GRM5: variants seen among roughly 807,000 people sequenced by gnomAD.
GRM5 encodes metabotropic glutamate receptor 5.
Under a neutral mutation model 83.1 loss-of-function variants are expected in GRM5, and 19 were observed. That is an observed-to-expected ratio of 0.23 (90% confidence interval 0.16 to 0.34). The LOEUF (loss-of-function observed/expected upper bound fraction) is 0.34, where lower values mean the gene tolerates loss of function less well. GRM5 is among the 10% of genes least tolerant of loss of function. The pLI, the probability that GRM5 is intolerant of heterozygous loss-of-function variation, is 1.00. For synonymous variants in GRM5, 675 were observed against 633.6 expected, an observed-to-expected ratio of 1.07 and a Z score of -0.98; for missense variants, 1,160 against 1,588.3, an observed-to-expected ratio of 0.73 and a Z score of 4.58.
chr11:88,711,697 T>C (rs1162016814), intron 3 of GRM5, among the ~76,000 whole-genome samples: 2 of 152,106 alleles, frequency 1.3e-5, no homozygotes, highest in South Asian at 2.1e-4. Flanking sequence ...CAATAATACA[T>C]TGAAAACATG....
At chr11:88,856,553 A>C (rs1195859668) in intron 2 of GRM5, among the ~76,000 whole-genome samples, 1 of 152,104 alleles carries the variant, frequency 6.6e-6, no homozygotes, top group African/African-American at 2.4e-5. Flanking sequence ...AAATGTATAT[A>C]AGTAGAAAAA....
intron 2 of GRM5, among the ~76,000 whole-genome samples, chr11:88,973,117 G>A (rs1362500033): frequency 1.3e-5 from 2 of 152,106 alleles, no homozygotes; most frequent in Non-Finnish European, 2.9e-5. Flanking sequence ...CCTAAAAAGG[G>A]TATATCTGGG....
chr11:88,752,055 C>T (rs1314173668), intron 3 of GRM5, among the ~76,000 whole-genome samples: 2 of 152,136 alleles, frequency 1.3e-5, no homozygotes, highest in Admixed American at 6.6e-5. Flanking sequence ...GACAATGATG[C>T]CCTCTCTCAC....
chr11:88,512,448 G>A (rs971313972), intron 9 of GRM5: 9 of 154,170 alleles, frequency 5.8e-5, no homozygotes, highest in East Asian at 1.9e-4. Context: ...CCCTACTCAC[G>A]ACATTATTCT....
intron 3 of GRM5, among the ~76,000 whole-genome samples, chr11:88,755,742 C>G (rs985442113): frequency 6.6e-6 from 1 of 152,044 alleles, no homozygotes; most frequent in African/African-American, 2.4e-5. Context: ...TGCCTCCAAA[C>G]AGAGAATTAA....
chr11:88,556,725 T>G (rs991753171), intron 8 of GRM5, among the ~76,000 whole-genome samples: 3 of 152,060 alleles, frequency 2.0e-5, no homozygotes, highest in Admixed American at 2.0e-4. Flanking sequence ...AGAATTTAAG[T>G]GCTTAGTCTA....
At chr11:88,733,746 ACTT>A (rs1315258176) in intron 3 of GRM5, among the ~76,000 whole-genome samples, 1 of 152,036 alleles carries the variant, frequency 6.6e-6, no homozygotes. Flanking sequence ...TAGCAGATAA[ACTT>A]CTCGAGAACG....
intron 2 of GRM5, among the ~76,000 whole-genome samples, chr11:89,026,427 A>C (rs1016563040): frequency 1.3e-5 from 2 of 152,188 alleles, no homozygotes; most frequent in African/African-American, 4.8e-5. Context: ...TAGACACTTT[A>C]TACTTCTTTA....
chr11:88,701,368 A>T (rs1272221704), intron 3 of GRM5, among the ~76,000 whole-genome samples: 1 of 152,144 alleles, frequency 6.6e-6, no homozygotes, highest in African/African-American at 2.4e-5. Flanking sequence ...CAGACCTCTC[A>T]GGGATGACAT....
At chr11:89,055,746 A>G (rs1255328736) in intron 1 of GRM5, among the ~76,000 whole-genome samples, 1 of 152,054 alleles carries the variant, frequency 6.6e-6, no homozygotes, top group Admixed American at 6.6e-5. Context: ...TTTGTATAAT[A>G]TAAATATCTT....
chr11:88,677,105 A>G (rs1940350035), intron 3 of GRM5, among the ~76,000 whole-genome samples: 2 of 151,974 alleles, frequency 1.3e-5, no homozygotes, highest in Non-Finnish European at 2.9e-5. Flanking sequence ...TCATATTTGT[A>G]TTTATGTTAA....
intron 3 of GRM5, among the ~76,000 whole-genome samples, chr11:88,800,118 A>G (rs1943360201): frequency 6.6e-6 from 1 of 152,142 alleles, no homozygotes; most frequent in Non-Finnish European, 1.5e-5. Flanking sequence ...AAACAAACAA[A>G]ACCTCGGGGC....
chr11:88,767,676 G>C (rs1176783104), intron 3 of GRM5, among the ~76,000 whole-genome samples: 1 of 150,892 alleles, frequency 6.6e-6, no homozygotes, highest in East Asian at 1.9e-4. Flanking sequence ...ACCTACTTGA[G>C]GGTGGATGGT....
intron 3 of GRM5, among the ~76,000 whole-genome samples, chr11:88,820,618 C>T (rs1386958627): frequency 6.6e-6 from 1 of 152,088 alleles, no homozygotes; most frequent in Non-Finnish European, 1.5e-5. Context: ...CACTGAATTG[C>T]TAACTGATAG....
intron 2 of GRM5, among the ~76,000 whole-genome samples, chr11:88,863,397 AT>A (rs944888785): frequency 2.0e-5 from 3 of 150,326 alleles, no homozygotes; most frequent in Admixed American, 2.0e-4. Context: ...TTAAAAAAAA[AT>A]GATACATATA....
chr11:88,540,975 C>A (rs979547925), intron 8 of GRM5, among the ~76,000 whole-genome samples: 1 of 151,974 alleles, frequency 6.6e-6, no homozygotes, highest in Non-Finnish European at 1.5e-5. Flanking sequence ...TGGTCTCAAT[C>A]TCCTGACCTT....
At chr11:88,999,873 T>C (rs1255476701) in intron 2 of GRM5, among the ~76,000 whole-genome samples, 1 of 152,154 alleles carries the variant, frequency 6.6e-6, no homozygotes, top group Non-Finnish European at 1.5e-5. Flanking sequence ...ATTAAGAAAA[T>C]GTGTCACATA....
At chr11:88,796,875 G>A (rs1466788642) in intron 3 of GRM5, among the ~76,000 whole-genome samples, 1 of 145,832 alleles carries the variant, frequency 6.9e-6, no homozygotes, top group African/African-American at 2.5e-5. Flanking sequence ...TTACCTAGAT[G>A]AAAGGAAAGT....
chr11:88,558,399 A>G lies in GRM5; in HGVS notation c.2630+8654T>C, dbSNP rs180844653. 2.0e-5 allele frequency among the ~76,000 whole-genome samples: 3 copies of G among 152,174 alleles called. No individual in the cohort carries two copies. In the East Asian group the frequency reaches 5.8e-4, roughly 29 times the overall value. ...TCAGTGTTTCTGCAGTTCCTCATTA[A>G]TTGTTATTATCCAAAGTAAGCACCT... On this transcript the variant is annotated intron_variant, in intron 8 of 9. Transcript: ENST00000305447.
Sources: allele counts gnomAD v4.1 joint callset (sites outside exome capture counted in the v4.1 genomes callset), GRCh38; gene constraint gnomAD v4.1.1; transcripts MANE v1.5; gene names NCBI Gene and HGNC (gene_info 2026-07-23, HGNC 2026-07-21).